Variants in SLC5A1 observed in about 807,000 individuals in gnomAD.
The protein encoded by SLC5A1 is sodium/glucose cotransporter 1.
SLC5A1 carries 42 observed loss-of-function variants against 73.5 expected under a neutral mutation model. That is an observed-to-expected ratio of 0.57 (90% CI 0.45 to 0.74). The LOEUF (loss-of-function observed/expected upper bound fraction) is 0.74. Among genes scored for constraint, SLC5A1 ranks in the 30% least tolerant of loss-of-function variants. SLC5A1 has a pLI of 0.00. For synonymous variants in SLC5A1, 300 were observed against 317.4 expected, an observed-to-expected ratio of 0.95 and a Z score of 0.58; for missense variants, 634 against 855.4, an observed-to-expected ratio of 0.74 and a Z score of 3.23.
rs201689463 is a variant in SLC5A1 at position 32,110,529 on chromosome 22, G to C, written c.*316G>C. On this transcript the variant is annotated 3_prime_UTR_variant, in exon 15 of 15. Coordinates refer to ENST00000266088, the MANE Select transcript of SLC5A1 (RefSeq NM_000343.4). Reference sequence around the variant, plus strand: ...GTCTGACGTGAGTCTGTCTCAGGTAGATTCCGGGTGTCAGTGTGGTTTATA... The same window carrying C: ...GTCTGACGTGAGTCTGTCTCAGGTACATTCCGGGTGTCAGTGTGGTTTATA... 2.6e-5 allele frequency: 11 copies of C among 425,522 alleles called. No individual in the cohort carries two copies. The highest frequency in any genetic ancestry group is 2.0e-4 in the South Asian group (9 of 44,830). 26.4% of individuals were successfully genotyped at this position (425,522 alleles called of 1,614,324 possible).
intron 4 of SLC5A1, 42 bp from the exon 5 acceptor site, chr22:32,068,454 G>A (rs760558734): frequency 1.7e-6 from 2 of 1,203,662 alleles, no homozygotes; most frequent in East Asian, 2.3e-5. Context: ...TGGGCCCTCT[G>A]GTCACTGTGG....
chr22:32,097,893 G>A (rs748425477), intron 11 of SLC5A1, among the ~76,000 whole-genome samples: 1 of 152,176 alleles, frequency 6.6e-6, no homozygotes, highest in Non-Finnish European at 1.5e-5. Context: ...TCCAGAATAT[G>A]TAAGCAGCTC....
chr22:32,055,996 T>G (rs1457210339), intron 2 of SLC5A1, among the ~76,000 whole-genome samples: 2 of 152,100 alleles, frequency 1.3e-5, no homozygotes, highest in Admixed American at 1.3e-4. Context: ...CGCTAGCAAA[T>G]GGGGCCCAGT....
At chr22:32,075,911 CAG>C (rs1342431557) in intron 5 of SLC5A1, among the ~76,000 whole-genome samples, 1 of 152,168 alleles carries the variant, frequency 6.6e-6, no homozygotes, top group Non-Finnish European at 1.5e-5. Flanking sequence ...TCAAGACACA[CAG>C]GAATGCAGGG....
At chr22:32,090,432 TTAACA>T (rs2149493823) in intron 10 of SLC5A1, among the ~76,000 whole-genome samples, 1 of 152,328 alleles carries the variant, frequency 6.6e-6, no homozygotes, top group East Asian at 1.9e-4. Flanking sequence ...CTTCTTTTAC[TTAACA>T]TAATGTTTGC....
In SLC5A1 at chr22:32,043,825, A is replaced by G. The variant is rs187729344; in HGVS notation, c.135+409A>G. ...TCATCCAGTTTCAGATGGGAAAGAA[A>G]TGGTGTGGAGTGGGAAAGCCACAGC... is the stretch of plus-strand genomic sequence containing the variant. On this transcript the variant is annotated intron_variant, in intron 1 of 14. Transcript: ENST00000266088. This position sits in a 1 kb window ranked among gnomAD's most constrained non-coding sequence, Gnocchi z 6.5. Among the ~76,000 whole-genome samples, 1 of 152,296 alleles carries G rather than the reference A, an allele frequency of 6.6e-6. No individual in the cohort carries two copies. The highest frequency in any genetic ancestry group is 1.9e-4 in the East Asian group (1 of 5,186).
At position 32,085,050 on chromosome 22, in the gene SLC5A1, T is replaced by G; in HGVS notation, c.1021+15T>G. 1.2e-6 allele frequency: 2 copies of G among 1,614,152 alleles called. No individual in the cohort carries two copies. Among genetic ancestry groups the G allele is most frequent in the Non-Finnish European group, 1.7e-6 (2 of 1,179,994 alleles). On this transcript the variant is annotated intron_variant, in intron 9 of 14. Coordinates refer to ENST00000266088, the MANE Select transcript of SLC5A1 (RefSeq NM_000343.4). ...TCTGTACACAGGTAATAACTTCTGCTGGACCCACAAACCACTCTCCCTTTT... is the reference window on the plus strand; with the variant it reads ...TCTGTACACAGGTAATAACTTCTGCGGGACCCACAAACCACTCTCCCTTTT...
At chr22:32,086,764 G>A (rs1005532618) in intron 10 of SLC5A1, among the ~76,000 whole-genome samples, 1 of 152,140 alleles carries the variant, frequency 6.6e-6, no homozygotes, top group Non-Finnish European at 1.5e-5. Flanking sequence ...CAAAGGAAAT[G>A]AAATCAGTGT....
intron 5 of SLC5A1, among the ~76,000 whole-genome samples, chr22:32,078,238 G>A (rs1305274438): frequency 6.6e-6 from 1 of 152,044 alleles, no homozygotes; most frequent in Non-Finnish European, 1.5e-5. Context: ...TTTTCAGTGT[G>A]TAACTTCTGC....
chr22:32,083,678 T>C (rs1172731693), intron 7 of SLC5A1, among the ~76,000 whole-genome samples: 1 of 152,098 alleles, frequency 6.6e-6, no homozygotes, highest in East Asian at 1.9e-4. Context: ...TTTTTTTTTT[T>C]TTGCAATTTT....
In SLC5A1 at chr22:32,057,407, T is replaced by C. The variant is rs184217708; in HGVS notation, c.207+7393T>C. Among the ~76,000 whole-genome samples, 13 of 151,642 alleles carry C rather than the reference T, an allele frequency of 8.6e-5. No homozygotes were observed. The East Asian group carries it at 2.3e-3, about 27-fold the overall frequency. ...TCAGCCTCCCGAGTATCTGGGACTATAGACAGTGCCACTGCACCCAGTTAA... is the reference window on the plus strand; with the variant it reads ...TCAGCCTCCCGAGTATCTGGGACTACAGACAGTGCCACTGCACCCAGTTAA... On this transcript the variant is annotated intron_variant, in intron 2 of 14. Coordinates refer to ENST00000266088, the MANE Select transcript of SLC5A1 (RefSeq NM_000343.4).
chr22:32,086,265 G>T lies in SLC5A1; in HGVS notation c.1067G>T (p.Gly356Val), dbSNP rs1198376285. The T allele has an allele frequency of 6.2e-7, 1 of 1,614,054 alleles. No homozygotes were observed. Among genetic ancestry groups the T allele is most frequent in the Non-Finnish European group, 8.5e-7 (1 of 1,179,942 alleles). ...VVPSECEKYC[G>V]TKVGCTNIAY... ...CCTTCAGAATGTGAGAAATATTGCG[G>T]TACCAAGGTTGGCTGTACCAACATC... The change falls in exon 10 of 15, where the codon GGT (glycine) becomes GTT (valine). Residue 356 changes from glycine to valine, a missense_variant. By Grantham distance (109) the Gly-to-Val change is moderately radical. Transcript: ENST00000266088.
intron 2 of SLC5A1, among the ~76,000 whole-genome samples, chr22:32,055,079 C>G (rs886291049): frequency 4.6e-5 from 7 of 152,150 alleles, no homozygotes; most frequent in African/African-American, 1.7e-4. Context: ...TCTTCAGCCT[C>G]CTTAACCTCT....
At chr22:32,082,024 T>A in intron 6 of SLC5A1, 53 bp downstream of exon 6, 1 of 1,106,990 alleles carries the variant, frequency 9.0e-7, no homozygotes, top group Non-Finnish European at 1.4e-6. Context: ...GATCAGGCAC[T>A]AGTGAAGGAT....
intron 5 of SLC5A1, among the ~76,000 whole-genome samples, chr22:32,079,952 G>A (rs1385095732): frequency 6.6e-6 from 1 of 152,172 alleles, no homozygotes; most frequent in Non-Finnish European, 1.5e-5. Flanking sequence ...CAGAACCCGG[G>A]AGAAGAATGC....
chr22:32,078,593 A>C (rs886330957), intron 5 of SLC5A1, among the ~76,000 whole-genome samples: 7 of 152,118 alleles, frequency 4.6e-5, no homozygotes, highest in African/African-American at 1.7e-4. Flanking sequence ...TTAACCCCCC[A>C]CACATACATT....
At chr22:32,082,078 C>T in intron 6 of SLC5A1, 107 bp downstream of exon 6, 1 of 789,340 alleles carries the variant, frequency 1.3e-6, no homozygotes, top group Non-Finnish European at 2.3e-6. Context: ...AGGAGAGATA[C>T]ACTCAGGTAA....
intron 1 of SLC5A1, among the ~76,000 whole-genome samples, chr22:32,045,980 C>T (rs1211674004): frequency 2.0e-5 from 3 of 152,170 alleles, no homozygotes; most frequent in Non-Finnish European, 2.9e-5. Flanking sequence ...GAAGAATTTG[C>T]AGTAGAGACC....
intron 2 of SLC5A1, among the ~76,000 whole-genome samples, chr22:32,061,966 A>G (rs2093963842): frequency 6.6e-6 from 1 of 152,192 alleles, no homozygotes; most frequent in Admixed American, 6.5e-5. Flanking sequence ...GAACAGACAC[A>G]TGAGAAGTCT....
Sources: gnomAD v4.1 joint callset for allele counts (sites outside exome capture counted in the v4.1 genomes callset) on GRCh38, gnomAD v4.1.1 for gene constraint, Gnocchi (gnomAD v3.1) non-coding constraint, MANE v1.5 for transcripts, NCBI Gene and HGNC (gene_info 2026-07-23, HGNC 2026-07-21) for gene names.